AGK: variants seen among roughly 807,000 people sequenced by gnomAD.
AGK encodes the protein acylglycerol kinase, mitochondrial.
In AGK, 52 loss-of-function variants were observed where a neutral mutation model predicts 66.4. The ratio of observed to expected loss-of-function variants is 0.78; its 90% confidence interval spans 0.63 to 0.99. AGK has a LOEUF of 0.99. Ranked by LOEUF, AGK falls within the 50% of genes least tolerant of loss-of-function variation. AGK has a pLI of 0.00. For synonymous variants in AGK, 182 were observed against 181.1 expected (o/e 1.00, Z -0.04); for missense variants, 451 against 506.6 (o/e 0.89, Z 1.05).
rs556886811 is a variant in AGK, at chr7:141,572,499, T to G, written c.101+16932T>G. On this transcript the variant is annotated intron_variant, in intron 2 of 15. Transcript: ENST00000649286. ...GAACCTCTGAGCCTCAGTTTCCTTA[T>G]AAGTGTAATGGGAATAATTACACCT... 2.0e-5 allele frequency among the ~76,000 whole-genome samples: 3 copies of G among 152,336 alleles called. No individual in the cohort carries two copies. In the East Asian group the frequency reaches 5.8e-4, roughly 29 times the overall value.
At chr7:141,611,707 T>C (rs943533691) in intron 6 of AGK, among the ~76,000 whole-genome samples, 1 of 152,206 alleles carries the variant, frequency 6.6e-6, no homozygotes, top group Non-Finnish European at 1.5e-5. Flanking sequence ...TTACATATAA[T>C]ATTATACTAC....
intron 2 of AGK, among the ~76,000 whole-genome samples, chr7:141,580,020 T>C (rs1795847318): frequency 6.6e-6 from 1 of 151,974 alleles, no homozygotes; most frequent in Non-Finnish European, 1.5e-5. Flanking sequence ...TTGACAGCCC[T>C]TGCAGTGAAT....
In AGK at chr7:141,633,829, C is replaced by T. The variant is rs982593832; in HGVS notation, c.589-72C>T. On this transcript the variant is annotated intron_variant, in intron 9 of 15. Transcript: ENST00000649286. ...ATGAAAAGTAGGCCATGAACATTTG[C>T]TGAGTACTTAGATGTAAAGAGTTCT... 4 of 1,332,334 alleles carry T rather than the reference C, an allele frequency of 3.0e-6. No individual in the cohort carries two copies. The African/African-American group carries it at 5.8e-5, about 19-fold the overall frequency. 82.5% of individuals were successfully genotyped at this position (1,332,334 alleles called of 1,614,324 possible).
intron 1 of AGK, among the ~76,000 whole-genome samples, chr7:141,553,842 T>C (rs1446416250): frequency 6.6e-6 from 1 of 152,022 alleles, no homozygotes; most frequent in Non-Finnish European, 1.5e-5. Flanking sequence ...TTAAAGGGAG[T>C]CATAAAAGAA....
intron 5 of AGK, among the ~76,000 whole-genome samples, chr7:141,610,266 C>T (rs1796557741): frequency 6.6e-6 from 1 of 152,038 alleles, no homozygotes; most frequent in Non-Finnish European, 1.5e-5. Flanking sequence ...CGCACCTGGC[C>T]CAGATATATA....
At chr7:141,563,589 G>A (rs1795399350) in intron 2 of AGK, among the ~76,000 whole-genome samples, 1 of 152,142 alleles carries the variant, frequency 6.6e-6, no homozygotes, top group African/African-American at 2.4e-5. Context: ...CTGTATCTGT[G>A]ACTTTGACCC....
chr7:141,633,037 C>T (rs1378916048), intron 9 of AGK, among the ~76,000 whole-genome samples: 1 of 152,184 alleles, frequency 6.6e-6, no homozygotes, highest in African/African-American at 2.4e-5. Flanking sequence ...GGATTTGCCT[C>T]CAGTTCCTAC....
chr7:141,589,862 A>G (rs1221201799), intron 2 of AGK, among the ~76,000 whole-genome samples: 1 of 152,118 alleles, frequency 6.6e-6, no homozygotes, highest in Non-Finnish European at 1.5e-5. Flanking sequence ...GCCAGACCCA[A>G]AGTTAAGTAT....
chr7:141,562,993 A>G (rs1054945653), intron 2 of AGK, among the ~76,000 whole-genome samples: 3 of 152,204 alleles, frequency 2.0e-5, no homozygotes, highest in Non-Finnish European at 4.4e-5. Flanking sequence ...TCCTTCTCCT[A>G]TGATCTGGAT....
intron 2 of AGK, among the ~76,000 whole-genome samples, chr7:141,584,695 A>G (rs1795958736): frequency 6.6e-6 from 1 of 152,206 alleles, no homozygotes; most frequent in Non-Finnish European, 1.5e-5. Flanking sequence ...TGTAGGAGGC[A>G]GTGCTGTATA....
At chr7:141,599,662 C>T (rs993324206) in intron 4 of AGK, among the ~76,000 whole-genome samples, 4 of 152,072 alleles carry the variant, frequency 2.6e-5, no homozygotes, top group Admixed American at 2.0e-4. Flanking sequence ...CCAACTGATC[C>T]TTTCCTATCA....
At position 141,582,760 on chromosome 7, in the gene AGK, C is replaced by T. The variant is rs560057444; in HGVS notation, c.102-10386C>T. Among the ~76,000 whole-genome samples, 146 of 151,856 alleles carry T rather than the reference C, an allele frequency of 9.6e-4. 2 individuals are homozygous for T. Among genetic ancestry groups the T allele is most frequent in the African/African-American group, 3.4e-3 (141 of 41,244 alleles). On this transcript the variant is annotated intron_variant, in intron 2 of 15. Transcript: ENST00000649286. ...TGCTGGGCAGATGGGGGAGAGCTAG[C>T]CATGGAACGAAACTGTAAGCCAGAC...
intron 6 of AGK, among the ~76,000 whole-genome samples, chr7:141,613,747 T>C (rs1796646295): frequency 6.6e-6 from 1 of 152,222 alleles, no homozygotes; most frequent in Admixed American, 6.5e-5. Flanking sequence ...ATAAGAACGA[T>C]TTGTTAAGTG....
At chr7:141,610,705 C>T (rs1483732562) in intron 5 of AGK, among the ~76,000 whole-genome samples, 5 of 152,186 alleles carry the variant, frequency 3.3e-5, no homozygotes, top group African/African-American at 9.7e-5. Flanking sequence ...CCTCCCTCAA[C>T]ACACATAATT....
chr7:141,634,550 A>C (rs1797129956), intron 10 of AGK, among the ~76,000 whole-genome samples: 1 of 152,114 alleles, frequency 6.6e-6, no homozygotes, highest in South Asian at 2.1e-4. Flanking sequence ...GAATTGACTT[A>C]TTTTTGGAGA....
chr7:141,575,320 C>A (rs1277148183), intron 2 of AGK, among the ~76,000 whole-genome samples: 1 of 152,156 alleles, frequency 6.6e-6, no homozygotes, highest in African/African-American at 2.4e-5. Flanking sequence ...AATCACCAGG[C>A]CAGATGCTTT....
chr7:141,565,416 C>T (rs1014608177), intron 2 of AGK, among the ~76,000 whole-genome samples: 2 of 152,058 alleles, frequency 1.3e-5, no homozygotes, highest in African/African-American at 2.4e-5. Flanking sequence ...TTTGGGAGGC[C>T]GAGGCGGGCA....
chr7:141,648,808 G>A (rs1384079521), intron 13 of AGK, among the ~76,000 whole-genome samples: 1 of 152,168 alleles, frequency 6.6e-6, no homozygotes, highest in African/African-American at 2.4e-5. Context: ...AAATTTGTAT[G>A]TAGAGCATTA....
intron 13 of AGK, among the ~76,000 whole-genome samples, chr7:141,645,944 A>G (rs948686249): frequency 1.3e-5 from 2 of 152,186 alleles, no homozygotes; most frequent in African/African-American, 4.8e-5. Context: ...CTTTGAAACA[A>G]CTATATGAGA....
Sources: allele counts gnomAD v4.1 joint callset (sites outside exome capture counted in the v4.1 genomes callset), GRCh38; gene constraint gnomAD v4.1.1; transcripts MANE v1.5; gene names NCBI Gene and HGNC (gene_info 2026-07-23, HGNC 2026-07-21).